UCP1: variants seen among roughly 807,000 people sequenced by gnomAD.
The protein encoded by UCP1 is mitochondrial brown fat uncoupling protein 1.
In UCP1, 24 loss-of-function variants were observed where a neutral mutation model predicts 26.2. The observed-to-expected ratio is 0.92, with a 90% CI of 0.66 to 1.29. The LOEUF (loss-of-function observed/expected upper bound fraction) is 1.29, where lower values mean the gene tolerates loss of function less well. UCP1 is among the 50% of genes most tolerant of loss of function. The probability of loss-of-function intolerance (pLI) is 0.00; values close to 1 mark genes in which losing one functional copy is unlikely to be tolerated. For synonymous variants in UCP1, 164 were observed against 156.8 expected (o/e 1.05, Z -0.34); for missense variants, 402 against 388.7 (o/e 1.03, Z -0.29).
At chr4:140,563,040 G>A in intron 4 of UCP1, 70 bp downstream of exon 4, 1 of 1,179,508 alleles carries the variant, frequency 8.5e-7, no homozygotes, top group South Asian at 1.2e-5. Flanking sequence ...TGAGTATAAG[G>A]TGGCTGCAGA....
At position 140,567,770 on chromosome 4, in the gene UCP1, A is replaced by G. The variant is rs758155164; in HGVS notation, c.325+9T>C. The G allele has an allele frequency of 6.2e-7, 1 of 1,613,750 alleles. No individual in the cohort carries two copies. Among genetic ancestry groups the G allele is most frequent in the Non-Finnish European group, 8.5e-7 (1 of 1,179,908 alleles). On this transcript the variant is annotated intron_variant, in intron 2 of 5. Transcript: ENST00000262999. ...TTTTCTGCCCCTCCCAGGAACGCTC[A>G]CGGCTTACTTTCTTTCCCTGCGGTG...
In UCP1 at chr4:140,567,926, C is replaced by A; in HGVS notation, c.178G>T (p.Gly60Ter). 6.2e-7 allele frequency: 1 copy of A among 1,614,170 alleles called. No individual in the cohort carries two copies. The highest frequency in any genetic ancestry group is 8.5e-7 in the Non-Finnish European group (1 of 1,180,034). ...GTTTTTACCACAGCGGTGATTGTTCCCAGGACACCTTTATACCTAATAACA... is the reference window on the plus strand; with the variant it reads ...GTTTTTACCACAGCGGTGATTGTTCACAGGACACCTTTATACCTAATAACA... ...SSVIRYKGVL[G>*]TITAVVKTEG... The change falls in exon 2 of 6, where the codon GGA becomes TGA. Residue 60 changes from glycine (G) to a stop codon, truncating the protein, a stop_gained. Coordinates refer to ENST00000262999, the MANE Select transcript of UCP1 (RefSeq NM_021833.5). LOFTEE classifies it high-confidence loss of function.
intron 5 of UCP1, among the ~76,000 whole-genome samples, chr4:140,560,265 C>T (rs767423999): frequency 2.6e-5 from 4 of 152,076 alleles, no homozygotes; most frequent in Non-Finnish European, 5.9e-5. Flanking sequence ...CATTTTGCCA[C>T]TCCTCAAGTG....
chr4:140,568,703 T>C lies in UCP1; in HGVS notation c.27A>G (p.Val9=), dbSNP rs1268761553. 3.1e-6 allele frequency: 5 copies of C among 1,601,596 alleles called. No homozygotes were observed. The highest frequency in any genetic ancestry group is 1.7e-5 in the Admixed American group (1 of 58,318). The change falls in exon 1 of 6, where the codon GTA becomes GTG. Residue 9 remains valine (V), a synonymous_variant. Coordinates refer to ENST00000262999, the MANE Select transcript of UCP1 (RefSeq NM_021833.5). ...AGAGCTGGACCCCCAGGGTCGGGTGTACGTCCGAGGCTGTCAGGCCCCCCA... is the reference window on the plus strand; with the variant it reads ...AGAGCTGGACCCCCAGGGTCGGGTGCACGTCCGAGGCTGTCAGGCCCCCCA... MGGLTASD[V]HPTLGVQLFS... is the part of the protein sequence containing the mutation.
intron 2 of UCP1, 87 bp from the exon 3 acceptor site, chr4:140,563,605 T>C (rs1735736778): frequency 7.7e-7 from 1 of 1,290,644 alleles, no homozygotes; most frequent in Non-Finnish European, 1.1e-6. Context: ...TGGTTCATAT[T>C]TTTGTATTTT....
rs549815493 is a variant in UCP1 at position 140,563,530 on chromosome 4, GA to G, written c.326-13del. On this transcript the variant is annotated splice_polypyrimidine_tract_variant and intron_variant, in intron 2 of 5. Transcript: ENST00000262999. The stretch of plus-strand genomic sequence containing the variant: ...TAAACTAGGTGCTGCTATCCAGAGA[GA>G]AAAAAAATTATTAAGAAAAAAAATT... 1.3e-5 allele frequency: 21 copies of G among 1,605,032 alleles called. No homozygotes were observed. The highest frequency in any genetic ancestry group is 1.7e-4 in the Middle Eastern group (1 of 6,040).
intron 2 of UCP1, 87 bp downstream of exon 2, chr4:140,567,692 G>T: frequency 1.3e-6 from 2 of 1,531,814 alleles, no homozygotes; most frequent in Non-Finnish European, 9.0e-7. Context: ...AATTTGTTAT[G>T]AAAACCACTC....
At chr4:140,562,084 T>C (rs1735687522) in intron 5 of UCP1, 109 bp downstream of exon 5, 1 of 1,278,880 alleles carries the variant, frequency 7.8e-7, no homozygotes, top group South Asian at 1.2e-5. Context: ...ATACTAAGTA[T>C]ATGAATATAC....
At chr4:140,565,201 A>G (rs1296487186) in intron 2 of UCP1, among the ~76,000 whole-genome samples, 2 of 152,146 alleles carry the variant, frequency 1.3e-5, no homozygotes, top group African/African-American at 4.8e-5. Context: ...TCTTCCCCCT[A>G]AGACAGCTTC....
chr4:140,563,224 A>AG lies in UCP1; in HGVS notation c.527-14_527-13insC. 1 of 1,613,228 alleles carries AG rather than the reference A, an allele frequency of 6.2e-7. No individual in the cohort carries two copies. The highest frequency in any genetic ancestry group is 2.2e-5 in the East Asian group (1 of 44,886). On this transcript the variant is annotated splice_polypyrimidine_tract_variant and intron_variant, in intron 3 of 5. Coordinates refer to ENST00000262999, the MANE Select transcript of UCP1 (RefSeq NM_021833.5). The stretch of plus-strand genomic sequence containing the variant: ...TTGGGAGTAGTCCCTGGGGAAAAAA[A>AG]AAAAGAAAATGTTTATTAACTCTAC...
intron 2 of UCP1, among the ~76,000 whole-genome samples, chr4:140,566,369 A>C (rs1735794595): frequency 6.6e-6 from 1 of 152,222 alleles, no homozygotes; most frequent in Non-Finnish European, 1.5e-5. Context: ...CTGAATCTAT[A>C]TAACATAGAA....
At chr4:140,561,030 TCATC>T (rs1735666280) in intron 5 of UCP1, among the ~76,000 whole-genome samples, 1 of 152,216 alleles carries the variant, frequency 6.6e-6, no homozygotes, top group African/African-American at 2.4e-5. Context: ...TTTTCAAGGT[TCATC>T]CATGTTGTAG....
chr4:140,564,887 A>G (rs1560844697), intron 2 of UCP1, among the ~76,000 whole-genome samples: 1 of 152,164 alleles, frequency 6.6e-6, no homozygotes, highest in Non-Finnish European at 1.5e-5. Flanking sequence ...ATTTATTTAC[A>G]AAACATATTG....
At chr4:140,565,900 C>T (rs1323847635) in intron 2 of UCP1, among the ~76,000 whole-genome samples, 2 of 151,632 alleles carry the variant, frequency 1.3e-5, no homozygotes, top group African/African-American at 4.8e-5. Context: ...TAGAACAGAG[C>T]TGAAAAATTC....
chr4:140,565,883 G>A (rs1313969624), intron 2 of UCP1, among the ~76,000 whole-genome samples: 5 of 151,434 alleles, frequency 3.3e-5, no homozygotes, highest in South Asian at 2.1e-4. Context: ...TGGTGGTCCC[G>A]TAAGATTAGA....
intron 4 of UCP1, 65 bp from the exon 5 acceptor site, chr4:140,562,438 C>T: frequency 6.5e-7 from 1 of 1,532,358 alleles, no homozygotes. Context: ...AGTTATCTGT[C>T]ATATCTTTAT....
rs1301470244 is a variant in UCP1 at position 140,568,670 on chromosome 4, A to C, written c.60T>G (p.Ala20=). ...HPTLGVQLFS[A]GIAACLADVI... is the part of the protein sequence containing the mutation. ...CGTCCGCCAAGCACGCCGCTATTCCAGCTGAGAAGAGCTGGACCCCCAGGG... is the reference window on the plus strand; with the variant it reads ...CGTCCGCCAAGCACGCCGCTATTCCCGCTGAGAAGAGCTGGACCCCCAGGG... Residue 20 remains alanine (A), a synonymous_variant, in exon 1 of 6, where the codon GCT becomes GCG. Transcript: ENST00000262999. 14 of 1,609,174 alleles carry C rather than the reference A, an allele frequency of 8.7e-6. No homozygotes were observed. Among genetic ancestry groups the C allele is most frequent in the Non-Finnish European group, 1.2e-5 (14 of 1,178,430 alleles).
chr4:140,567,205 G>A (rs539599064), intron 2 of UCP1, among the ~76,000 whole-genome samples: 121 of 152,206 alleles, frequency 7.9e-4, no homozygotes, highest in African/African-American at 2.6e-3. Flanking sequence ...TGCAGCATTC[G>A]TCCACTTTTT....
chr4:140,564,603 A>G lies in UCP1; in HGVS notation c.326-1085T>C, dbSNP rs1247184204. ...ACTGTCTAGCATAAAGAAAATCCAC[A>G]AAACTGGCAGCAATTTTTAAATCAC... On this transcript the variant is annotated intron_variant, in intron 2 of 5. Coordinates refer to ENST00000262999, the MANE Select transcript of UCP1 (RefSeq NM_021833.5). Among the ~76,000 whole-genome samples, 3 of 152,232 alleles carry G rather than the reference A, an allele frequency of 2.0e-5. No homozygotes were observed. The East Asian group carries it at 5.8e-4, about 29-fold the overall frequency.
Sources: allele counts gnomAD v4.1 joint callset (sites outside exome capture counted in the v4.1 genomes callset), GRCh38; gene constraint gnomAD v4.1.1; transcripts MANE v1.5; gene names NCBI Gene and HGNC (gene_info 2026-07-23, HGNC 2026-07-21).